Variants in SLCO1A2 observed in about 807,000 individuals in gnomAD.
SLCO1A2 encodes OATP-1.
A neutral mutation model predicts 69.0 loss-of-function variants in SLCO1A2; 67 were observed. The ratio of observed to expected loss-of-function variants is 0.97; its 90% CI spans 0.80 to 1.19. The LOEUF is 1.19. Ranked by LOEUF, SLCO1A2 falls within the 50% of genes most tolerant of loss-of-function variation. The pLI, the probability that SLCO1A2 is intolerant of heterozygous loss-of-function variation, is 0.00. For missense variants in SLCO1A2, 787 were observed against 793.7 expected (o/e 0.99, Z 0.10); for synonymous variants, 260 against 265.9 (o/e 0.98, Z 0.22).
At chr12:21,317,982 G>T (rs1951091144) in intron 3 of SLCO1A2, among the ~76,000 whole-genome samples, 1 of 151,740 alleles carries the variant, frequency 6.6e-6, no homozygotes, top group Admixed American at 6.6e-5. Flanking sequence ...AGCTATAAAA[G>T]CAGTCTTTTC....
chr12:21,320,301 T>C (rs532463052), intron 2 of SLCO1A2, among the ~76,000 whole-genome samples: 1 of 152,294 alleles, frequency 6.6e-6, no homozygotes, highest in South Asian at 2.1e-4. Context: ...GATCAGCAAA[T>C]GATATCAGCA....
intron 2 of SLCO1A2, among the ~76,000 whole-genome samples, chr12:21,359,458 T>G (rs1938640999): frequency 6.6e-6 from 1 of 152,142 alleles, no homozygotes; most frequent in Admixed American, 6.5e-5. Flanking sequence ...ATACTGATAT[T>G]TGGGAGTCTC....
rs1295272277 is a variant in SLCO1A2 at position 21,266,831 on chromosome 12, CAAAG to C, written c.*2713_*2716del. ...TAAAATAAAACCATAGGTGGATTCA[CAAAG>C]AAACTGTGTAAGCATCTGTAAATAT... On this transcript the variant is annotated 3_prime_UTR_variant, in exon 15 of 15. Transcript: ENST00000683939. 6.6e-6 allele frequency: 1 copy of C among 152,030 alleles called. No homozygotes were observed. The highest frequency in any genetic ancestry group is 1.5e-5 in the Non-Finnish European group (1 of 68,006). 9.4% of individuals were successfully genotyped at this position (152,030 alleles called of 1,614,324 possible).
intron 1 of SLCO1A2, among the ~76,000 whole-genome samples, chr12:21,394,555 GCACACACACACACA>G (rs35166807): frequency 1.4e-4 from 20 of 138,906 alleles, no homozygotes; most frequent in Non-Finnish European, 3.0e-4. Flanking sequence ...AATAACACAC[GCACACACACACACA>G]CACACACACA....
upstream of SLCO1A2, among the ~76,000 whole-genome samples, chr12:21,338,302 T>G (rs1450514134): frequency 6.6e-6 from 1 of 151,902 alleles, no homozygotes; most frequent in East Asian, 1.9e-4. Context: ...TCTTGCTAAG[T>G]CTGTTTGGAG....
At chr12:21,302,822 G>T (rs1254053938) in intron 6 of SLCO1A2, among the ~76,000 whole-genome samples, 1 of 152,118 alleles carries the variant, frequency 6.6e-6, no homozygotes, top group Non-Finnish European at 1.5e-5. Flanking sequence ...CTCCTGAGTA[G>T]CTGGGATTAC....
At chr12:21,362,409 T>G (rs1035886476) in intron 2 of SLCO1A2, among the ~76,000 whole-genome samples, 5 of 152,016 alleles carry the variant, frequency 3.3e-5, no homozygotes, top group African/African-American at 1.2e-4. Context: ...GCACTAAACA[T>G]GGAAAGGAAC....
chr12:21,307,535 A>G lies in SLCO1A2; in HGVS notation c.336-547T>C, dbSNP rs370566766. ...TAATGAGAGGCCTTAAGAGAATCTC[A>G]ATCACCATGACACATAATGTAATGA... On this transcript the variant is annotated intron_variant, in intron 4 of 14. Coordinates refer to ENST00000683939, the MANE Select transcript of SLCO1A2 (RefSeq NM_001386879.1). Among the ~76,000 whole-genome samples the G allele has an allele frequency of 1.6e-4, 24 of 152,336 alleles. No individual in the cohort carries two copies. In the South Asian group the frequency reaches 4.8e-3, roughly 30 times the overall value.
rs369227129 is a variant in SLCO1A2 at position 21,326,322 on chromosome 12, G to C, written c.61-7399C>G. ...TGGACTAATGCAGTAAATTGGTACA[G>C]AGAGTGGAGTGCTGCTGTAAAGATA... On this transcript the variant is annotated intron_variant, in intron 2 of 14. Coordinates refer to ENST00000683939, the MANE Select transcript of SLCO1A2 (RefSeq NM_001386879.1). 9.9e-5 allele frequency among the ~76,000 whole-genome samples: 15 copies of C among 152,268 alleles called. No homozygotes were observed. In the East Asian group the frequency reaches 1.2e-3, roughly 12 times the overall value.
In SLCO1A2 at chr12:21,356,584, A is replaced by G. The variant is rs996118392; in HGVS notation, c.-63+17815T>C. Among the ~76,000 whole-genome samples the G allele has an allele frequency of 8.5e-5, 13 of 152,296 alleles. No homozygotes were observed. In the East Asian group the frequency reaches 2.3e-3, roughly 27 times the overall value. On this transcript the variant is annotated intron_variant, in intron 2 of 15. Transcript: ENST00000307378. ...TAACATTCAGAGCTTTTGAAAAAGCATTAAATGTGACATAGAAAAGTAGTT... is the reference window on the plus strand; with the variant it reads ...TAACATTCAGAGCTTTTGAAAAAGCGTTAAATGTGACATAGAAAAGTAGTT...
chr12:21,403,843 A>AT (rs1025845759), intron 1 of SLCO1A2, among the ~76,000 whole-genome samples: 10 of 150,254 alleles, frequency 6.7e-5, no homozygotes, highest in Non-Finnish European at 1.5e-4. Flanking sequence ...ATTTTCTCAG[A>AT]TTTTTTCTTT....
chr12:21,382,973 T>C (rs1940683447), intron 1 of SLCO1A2, among the ~76,000 whole-genome samples: 3 of 152,178 alleles, frequency 2.0e-5, no homozygotes, highest in South Asian at 4.1e-4. Flanking sequence ...TACTCCCACT[T>C]TGCACTGTGT....
At chr12:21,382,980 G>T (rs1046949214) in intron 1 of SLCO1A2, among the ~76,000 whole-genome samples, 1 of 152,032 alleles carries the variant, frequency 6.6e-6, no homozygotes, top group African/African-American at 2.4e-5. Context: ...ACTTTGCACT[G>T]TGTTTTATTA....
At chr12:21,392,687 T>A (rs1941221544) in intron 1 of SLCO1A2, among the ~76,000 whole-genome samples, 1 of 152,220 alleles carries the variant, frequency 6.6e-6, no homozygotes, top group Admixed American at 6.5e-5. Flanking sequence ...AGAGTTTTCA[T>A]AAAACCTCTT....
intron 1 of SLCO1A2, among the ~76,000 whole-genome samples, chr12:21,407,041 ATCT>A (rs888043868): frequency 3.3e-5 from 5 of 152,134 alleles, no homozygotes; most frequent in African/African-American, 1.2e-4. Context: ...TCACTTTTTC[ATCT>A]TCTGTCAAGA....
At chr12:21,412,000 G>A (rs1368341118) in intron 1 of SLCO1A2, among the ~76,000 whole-genome samples, 1 of 152,090 alleles carries the variant, frequency 6.6e-6, no homozygotes, top group East Asian at 1.9e-4. Flanking sequence ...CCATGAACAT[G>A]ATATATCTAT....
At chr12:21,307,258 A>T (rs1312412342) in intron 4 of SLCO1A2, among the ~76,000 whole-genome samples, 2 of 152,180 alleles carry the variant, frequency 1.3e-5, no homozygotes, top group Non-Finnish European at 2.9e-5. Flanking sequence ...ACTTTCTTTG[A>T]TTTTTAGGTT....
intron 14 of SLCO1A2, among the ~76,000 whole-genome samples, chr12:21,272,611 T>G (rs1383816913): frequency 3.9e-5 from 6 of 152,128 alleles, no homozygotes; most frequent in Non-Finnish European, 7.4e-5. Context: ...TGATTTAGTA[T>G]GTGTCTGGTA....
upstream of SLCO1A2, among the ~76,000 whole-genome samples, chr12:21,337,464 G>T (rs575259091): frequency 6.6e-6 from 1 of 151,916 alleles, no homozygotes; most frequent in Admixed American, 6.6e-5. Flanking sequence ...TGAAATAAAG[G>T]CCTTACTTTA....
Sources: gnomAD v4.1 joint callset for allele counts (sites outside exome capture counted in the v4.1 genomes callset) on GRCh38, gnomAD v4.1.1 for gene constraint, MANE v1.5 for transcripts, NCBI Gene and HGNC (gene_info 2026-07-23, HGNC 2026-07-21) for gene names.